Variants in PLCG2 observed in about 807,000 individuals in gnomAD.
PLCG2 encodes the protein 1-phosphatidylinositol 4,5-bisphosphate phosphodiesterase gamma-2.
PLCG2 carries 69 observed loss-of-function variants against 175.6 expected under a neutral mutation model. The ratio of observed to expected loss-of-function variants is 0.39; its 90% CI spans 0.32 to 0.48. The LOEUF is 0.48. Ranked by LOEUF, PLCG2 falls within the 20% of genes least tolerant of loss-of-function variation. PLCG2 has a pLI of 0.91. For synonymous variants in PLCG2, 827 were observed against 624.0 expected (o/e 1.33, Z -4.85); for missense variants, 1,798 against 1,650.9 (o/e 1.09, Z -1.54).
chr16:81,907,326 A>G (rs1428083007), intron 15 of PLCG2, among the ~76,000 whole-genome samples: 1 of 152,150 alleles, frequency 6.6e-6, no homozygotes, highest in Non-Finnish European at 1.5e-5. Flanking sequence ...GAAGTCATTA[A>G]GCCACAAATA....
At chr16:81,849,208 G>T (rs1422620715) in intron 2 of PLCG2, among the ~76,000 whole-genome samples, 2 of 152,136 alleles carry the variant, frequency 1.3e-5, no homozygotes, top group African/African-American at 4.8e-5. Flanking sequence ...ATTTCGTAAG[G>T]TGACTGTGGG....
intron 2 of PLCG2, among the ~76,000 whole-genome samples, chr16:81,769,412 A>G (rs1234742204): frequency 6.6e-6 from 1 of 152,148 alleles, no homozygotes; most frequent in South Asian, 2.1e-4. Flanking sequence ...CCCTGCCCCT[A>G]CGTTCTGATT....
chr16:81,940,189 G>T, intron 30 of PLCG2, 130 bp downstream of exon 30: 2 of 753,930 alleles, frequency 2.7e-6, no homozygotes, highest in Non-Finnish European at 4.3e-6. Flanking sequence ...CGATTGGGTG[G>T]CTTGGAGAGC....
chr16:81,817,732 T>C (rs930945847), intron 2 of PLCG2, among the ~76,000 whole-genome samples: 4 of 152,212 alleles, frequency 2.6e-5, no homozygotes, highest in African/African-American at 9.6e-5. Flanking sequence ...GCGACCCCCA[T>C]GCCCTTGGCC....
intron 2 of PLCG2, among the ~76,000 whole-genome samples, chr16:81,793,175 G>A (rs931012253): frequency 1.3e-5 from 2 of 152,190 alleles, no homozygotes; most frequent in African/African-American, 4.8e-5. Context: ...GCTTTCCAGG[G>A]GTGTTGGATA....
intron 2 of PLCG2, among the ~76,000 whole-genome samples, chr16:81,766,465 GCCTCCTCCTCCTCCTCTT>G (rs56300414): frequency 0.99 from 149,028 of 150,664 alleles, 73,725 homozygotes; most frequent in East Asian, 1. Flanking sequence ...CTTAGCCAGC[GCCTCCTCCTCCTCCTCTT>G]CCTCCTCCTC....
intron 27 of PLCG2, among the ~76,000 whole-genome samples, chr16:81,937,003 C>T (rs569844550): frequency 5.3e-5 from 8 of 152,290 alleles, no homozygotes; most frequent in South Asian, 2.1e-4. Context: ...TGTACCCTGA[C>T]GTGAGCGCCA....
chr16:81,937,744 A>G lies in PLCG2; in HGVS notation c.3053-14A>G. The G allele has an allele frequency of 1.2e-6, 2 of 1,611,798 alleles. No homozygotes were observed. Among genetic ancestry groups the G allele is most frequent in the Non-Finnish European group, 1.7e-6 (2 of 1,178,630 alleles). On this transcript the variant is annotated splice_polypyrimidine_tract_variant and intron_variant, in intron 27 of 32. Coordinates refer to ENST00000564138, the MANE Select transcript of PLCG2 (RefSeq NM_002661.5). ...CATGCCTGACTTACAGCAGGCGTTC[A>G]CTTTCCTTCCCAGATAAGTACATGC...
intron 12 of PLCG2, among the ~76,000 whole-genome samples, chr16:81,894,889 A>AAAATAAAT (rs1338594948): frequency 5.9e-5 from 9 of 152,110 alleles, no homozygotes; most frequent in Non-Finnish European, 1.3e-4. Flanking sequence ...ATAAAAATAA[A>AAAATAAAT]AAATAAATAA....
chr16:81,815,560 CTGTTG>C (rs1031919610), intron 2 of PLCG2, among the ~76,000 whole-genome samples: 2 of 152,212 alleles, frequency 1.3e-5, no homozygotes, highest in African/African-American at 4.8e-5. Flanking sequence ...ACTACTCAGC[CTGTTG>C]TTCTGAAGTT....
intron 30 of PLCG2, among the ~76,000 whole-genome samples, chr16:81,944,552 A>C (rs1156397792): frequency 2.6e-5 from 4 of 151,920 alleles, no homozygotes; most frequent in African/African-American, 9.7e-5. Flanking sequence ...GCAGCCTCAG[A>C]CTCCTGGGCT....
At chr16:81,827,304 C>G (rs1029715182) in intron 2 of PLCG2, among the ~76,000 whole-genome samples, 4 of 151,726 alleles carry the variant, frequency 2.6e-5, no homozygotes, top group Admixed American at 2.6e-4. Context: ...TTATCTCAGT[C>G]TCCCAAGTAC....
At chr16:81,861,828 G>T (rs906043437) in intron 5 of PLCG2, among the ~76,000 whole-genome samples, 2 of 152,174 alleles carry the variant, frequency 1.3e-5, no homozygotes, top group Non-Finnish European at 2.9e-5. Context: ...TCAAGAAATG[G>T]ATACCACCCT....
intron 9 of PLCG2, 128 bp downstream of exon 9, chr16:81,883,469 C>G (rs1908195345): frequency 2.9e-6 from 2 of 687,652 alleles, no homozygotes; most frequent in Non-Finnish European, 5.2e-6. Context: ...CTCACCTGGC[C>G]ACCTGTCTTC....
At chr16:81,880,059 G>A (rs960528577) in intron 7 of PLCG2, among the ~76,000 whole-genome samples, 3 of 152,204 alleles carry the variant, frequency 2.0e-5, no homozygotes, top group African/African-American at 7.2e-5. Context: ...GGGCAACATA[G>A]TAAGACCTGC....
At chr16:81,759,994 C>A (rs563916517) in intron 2 of PLCG2, among the ~76,000 whole-genome samples, 1 of 152,082 alleles carries the variant, frequency 6.6e-6, no homozygotes, top group South Asian at 2.1e-4. Flanking sequence ...GGAGTGGTGG[C>A]GGGCGCCTGT....
intron 1 of PLCG2, among the ~76,000 whole-genome samples, chr16:81,784,528 T>A (rs1432433936): frequency 6.6e-6 from 1 of 151,974 alleles, no homozygotes; most frequent in Non-Finnish European, 1.5e-5. Context: ...CCTGGGAGGG[T>A]CTCTCTAGTG....
At chr16:81,782,650 T>C (rs2143158938) in intron 1 of PLCG2, among the ~76,000 whole-genome samples, 1 of 152,330 alleles carries the variant, frequency 6.6e-6, no homozygotes. Flanking sequence ...TAGAAGGGCA[T>C]TTCGTGAGAT....
intron 2 of PLCG2, among the ~76,000 whole-genome samples, chr16:81,831,784 A>G (rs1468479889): frequency 6.6e-6 from 1 of 152,194 alleles, no homozygotes; most frequent in Non-Finnish European, 1.5e-5. Flanking sequence ...CTGAAAGGGA[A>G]GGAAGGCTCT....
Sources: gnomAD v4.1 joint callset for allele counts (sites outside exome capture counted in the v4.1 genomes callset) on GRCh38, gnomAD v4.1.1 for gene constraint, MANE v1.5 for transcripts, NCBI Gene and HGNC (gene_info 2026-07-23, HGNC 2026-07-21) for gene names.